ENOX2: variants seen among roughly 807,000 people sequenced by gnomAD.
ENOX2 encodes the protein ecto-NOX disulfide-thiol exchanger 2.
In ENOX2, 36 loss-of-function variants were observed where a neutral mutation model predicts 45.0. The observed-to-expected ratio is 0.80, with a 90% CI of 0.61 to 1.06. The LOEUF (loss-of-function observed/expected upper bound fraction) is 1.06. ENOX2 is among the 50% of genes least tolerant of loss of function. The pLI, the probability that ENOX2 is intolerant of heterozygous loss-of-function variation, is 0.00. For missense variants in ENOX2, 423 were observed against 462.5 expected (o/e 0.91, Z 0.78); for synonymous variants, 174 against 152.3 (o/e 1.14, Z -1.05).
chrX:130,674,183 T>C (rs747724862), intron 6 of ENOX2, among the ~76,000 whole-genome samples: 1 of 110,590 alleles, frequency 9.0e-6, no homozygotes, highest in Non-Finnish European at 1.9e-5. Flanking sequence ...AAATTAACTA[T>C]TGGATATAAT....
At chrX:130,758,389 C>G (rs1304961021) in intron 3 of ENOX2, among the ~76,000 whole-genome samples, 4 of 112,157 alleles carry the variant, frequency 3.6e-5, no homozygotes, top group Non-Finnish European at 7.5e-5. Flanking sequence ...ACCTTTCAGG[C>G]TTGGCTTTTC....
Position 130,665,738 on chromosome X carries a change from CT to C in ENOX2, c.918del (p.Ile306MetfsTer43), listed in dbSNP as rs2036818231. On this transcript the variant is annotated frameshift_variant, in exon 9 of 15. Transcript: ENST00000394363. LOFTEE classifies it high-confidence loss of function. The part of the protein sequence containing the change: ...LSGILIQFEQ[I>X]VAVYHSASKQ... Reference sequence around the variant, plus strand: ...TTGGAGGCGGAATGGTACACAGCCACTATCTGCTCAACTGCAGCATCAAATC... The same window carrying C: ...TTGGAGGCGGAATGGTACACAGCCACATCTGCTCAACTGCAGCATCAAATC... 1.2e-5 allele frequency: 14 copies of C among 1,188,190 alleles called. No homozygotes were observed. Among genetic ancestry groups the C allele is most frequent in the Non-Finnish European group, 1.4e-5 (12 of 877,287 alleles).
intron 3 of ENOX2, among the ~76,000 whole-genome samples, chrX:130,747,642 C>A (rs970197185): frequency 1.8e-5 from 2 of 111,605 alleles, no homozygotes; most frequent in African/African-American, 6.7e-5. Context: ...GGGCTTCATG[C>A]CCCTGAAGCA....
At chrX:130,849,713 T>A (rs948600803) in intron 2 of ENOX2, among the ~76,000 whole-genome samples, 9 of 112,094 alleles carry the variant, frequency 8.0e-5, no homozygotes, top group Non-Finnish European at 1.7e-4. Flanking sequence ...CTAAGAGCAT[T>A]ATTAACTATA....
chrX:130,832,713 T>C (rs1417043207), intron 2 of ENOX2, among the ~76,000 whole-genome samples: 1 of 110,785 alleles, frequency 9.0e-6, no homozygotes, highest in Non-Finnish European at 1.9e-5. Flanking sequence ...AGCCCTAGTA[T>C]TAAAAATACT....
intron 2 of ENOX2, among the ~76,000 whole-genome samples, chrX:130,887,764 CA>C (rs2078931988): frequency 9.0e-6 from 1 of 111,549 alleles, no homozygotes; most frequent in Non-Finnish European, 1.9e-5. Context: ...ATGCAGTTGA[CA>C]AATCAGAACT....
intron 2 of ENOX2, among the ~76,000 whole-genome samples, chrX:130,890,387 CTCCTCGGCAGCCG>C (rs1186017605): frequency 9.0e-6 from 1 of 111,575 alleles, no homozygotes; most frequent in Non-Finnish European, 1.9e-5. Flanking sequence ...ACCCAAGCTC[CTCCTCGGCAGCCG>C]TCACCAAGCC....
chrX:130,721,723 T>C (rs757908774), intron 3 of ENOX2, among the ~76,000 whole-genome samples: 1 of 112,118 alleles, frequency 8.9e-6, no homozygotes, highest in African/African-American at 3.2e-5. Context: ...ATCTTTGTAA[T>C]GAGCAACAGC....
chrX:130,800,074 A>C (rs1376423797), intron 2 of ENOX2, among the ~76,000 whole-genome samples: 1 of 111,298 alleles, frequency 9.0e-6, no homozygotes, highest in Non-Finnish European at 1.9e-5. Context: ...TCAGAAGAAG[A>C]GTCTAACGCT....
intron 2 of ENOX2, among the ~76,000 whole-genome samples, chrX:130,886,491 C>T (rs1281940686): frequency 8.9e-6 from 1 of 112,171 alleles, no homozygotes; most frequent in African/African-American, 3.2e-5. Context: ...TTTCAAAAAA[C>T]ATTCGCCCAT....
At position 130,737,663 on chromosome X, in the gene ENOX2, G is replaced by C. The variant is rs145785431; in HGVS notation, c.-38-34409C>G. On this transcript the variant is annotated intron_variant, in intron 3 of 14. Coordinates refer to ENST00000394363, the MANE Select transcript of ENOX2 (RefSeq NM_006375.4). ...CTACTTGGGATTTGGGGCTACAGCA[G>C]AGCCAGATGTCCCAAATTTCTAACC... is the stretch of plus-strand genomic sequence containing the variant. 6.6e-3 allele frequency among the ~76,000 whole-genome samples: 743 copies of C among 112,186 alleles called. 6 individuals carry two copies. The highest frequency in any genetic ancestry group is 0.023 in the African/African-American group (715 of 30,887).
chrX:130,790,812 C>T (rs2077032405), intron 2 of ENOX2, among the ~76,000 whole-genome samples: 1 of 112,396 alleles, frequency 8.9e-6, no homozygotes. Context: ...TACACAGCAA[C>T]AGAGAGAGGG....
chrX:130,745,788 A>G (rs747693107), intron 3 of ENOX2, among the ~76,000 whole-genome samples: 28 of 112,019 alleles, frequency 2.5e-4, no homozygotes, highest in African/African-American at 8.4e-4. Flanking sequence ...AATGCAGTGA[A>G]TTTCCTGACC....
At chrX:130,782,250 G>A (rs1490539166) in intron 3 of ENOX2, among the ~76,000 whole-genome samples, 1 of 111,894 alleles carries the variant, frequency 8.9e-6, no homozygotes, top group Non-Finnish European at 1.9e-5. Context: ...ATTACTGTAT[G>A]CAGACACCAT....
At chrX:130,657,932 G>A (rs1051668644) in intron 9 of ENOX2, among the ~76,000 whole-genome samples, 1 of 111,746 alleles carries the variant, frequency 8.9e-6, no homozygotes, top group African/African-American at 3.3e-5. Context: ...ATATAACTGT[G>A]CTCATGATGT....
At chrX:130,684,641 C>T (rs1303333450) in intron 5 of ENOX2, among the ~76,000 whole-genome samples, 2 of 111,986 alleles carry the variant, frequency 1.8e-5, no homozygotes, top group Admixed American at 9.5e-5. Flanking sequence ...ATTTATTGAA[C>T]ACCTACTATA....
intron 3 of ENOX2, among the ~76,000 whole-genome samples, chrX:130,729,507 C>T (rs763985186): frequency 8.9e-6 from 1 of 111,878 alleles, no homozygotes; most frequent in East Asian, 2.8e-4. Flanking sequence ...TCTACCGTGA[C>T]TATTTTTTTT....
chrX:130,882,443 C>T (rs1217531200), intron 2 of ENOX2, among the ~76,000 whole-genome samples: 1 of 109,729 alleles, frequency 9.1e-6, no homozygotes, highest in East Asian at 2.8e-4. Context: ...AAAATGGAGT[C>T]GGGAGAGAGT....
At chrX:130,793,165 TTAAGGTG>T (rs1035960845) in intron 2 of ENOX2, among the ~76,000 whole-genome samples, 1 of 112,395 alleles carries the variant, frequency 8.9e-6, no homozygotes, top group African/African-American at 3.2e-5. Flanking sequence ...GATTGTATGT[TTAAGGTG>T]TAGCACATGT....
Sources: allele counts gnomAD v4.1 joint callset (sites outside exome capture counted in the v4.1 genomes callset), GRCh38; gene constraint gnomAD v4.1.1; transcripts MANE v1.5; gene names NCBI Gene and HGNC (gene_info 2026-07-23, HGNC 2026-07-21).